Variants in CCDC149 observed in about 807,000 individuals in gnomAD.
CCDC149 encodes coiled-coil domain-containing protein 149.
In CCDC149, 45 loss-of-function variants were observed where a neutral mutation model predicts 59.9. That is an observed-to-expected ratio of 0.75 (90% CI 0.59 to 0.96). The LOEUF is 0.96. Among genes scored for constraint, CCDC149 ranks in the 40% least tolerant of loss-of-function variants. The probability of loss-of-function intolerance (pLI) is 0.00; values close to 1 mark genes in which losing one functional copy is unlikely to be tolerated. For synonymous variants in CCDC149, 245 were observed against 260.6 expected, an observed-to-expected ratio of 0.94 and a Z score of 0.58; for missense variants, 584 against 664.7, an observed-to-expected ratio of 0.88 and a Z score of 1.33.
rs113494247 is a variant in CCDC149, at chr4:24,954,186, G to A, written c.-65+25883C>T. Among the ~76,000 whole-genome samples the A allele has an allele frequency of 4.9e-3, 745 of 152,328 alleles. 10 individuals carry two copies. The highest frequency in any genetic ancestry group is 0.017 in the African/African-American group (705 of 41,580). On this transcript the variant is annotated intron_variant, in intron 1 of 12. Transcript: ENST00000389609. The stretch of plus-strand genomic sequence containing the variant: ...ATCCAAGAAGCTCAACAAGCTCCAA[G>A]TAGGATAAACTTAGAAAAGACCCAT...
At chr4:24,966,796 C>A (rs1346920218) in intron 1 of CCDC149, among the ~76,000 whole-genome samples, 1 of 152,184 alleles carries the variant, frequency 6.6e-6, no homozygotes, top group Non-Finnish European at 1.5e-5. Context: ...CTTGCTGCAG[C>A]CAGGTAGAAA....
At position 24,813,503 on chromosome 4, in the gene CCDC149, T is replaced by TATATATATATATATAC. The variant is rs1553846377; in HGVS notation, c.1193-4685_1193-4684insGTATATATATATATAT. On this transcript the variant is annotated intron_variant, in intron 12 of 12. Coordinates refer to ENST00000635206, the MANE Select transcript of CCDC149 (RefSeq NM_001330643.2). The stretch of plus-strand genomic sequence containing the variant: ...TCAGCTTGGGGAATATATATATATA[T>TATATATATATATATAC]ATATATATATATATATATATATATA... 9.8e-4 allele frequency among the ~76,000 whole-genome samples: 133 copies of TATATATATATATATAC among 135,658 alleles called. 1 individual carries two copies. The highest frequency in any genetic ancestry group is 3.7e-3 in the African/African-American group (127 of 34,610). 89.0% of individuals were successfully genotyped at this position (135,658 alleles called of 152,430 possible). A position where few individuals can be genotyped will look rare whatever the true frequency, so the allele number is the denominator to read the frequency against.
intron 12 of CCDC149, among the ~76,000 whole-genome samples, chr4:24,813,508 ATATATATATATATATATAT>A (rs1560197651): frequency 7.1e-6 from 1 of 141,338 alleles, no homozygotes; most frequent in Non-Finnish European, 1.5e-5. Flanking sequence ...ATATATATAT[ATATATATATATATATATAT>A]AAAACCTAAA....
intron 1 of CCDC149, among the ~76,000 whole-genome samples, chr4:24,879,355 T>C (rs946893243): frequency 6.6e-6 from 1 of 151,708 alleles, no homozygotes; most frequent in Non-Finnish European, 1.5e-5. Context: ...CCCTCTCTAC[T>C]AAAAATACAA....
chr4:24,848,759 T>G (rs548451914), intron 4 of CCDC149, among the ~76,000 whole-genome samples: 2 of 152,080 alleles, frequency 1.3e-5, no homozygotes, highest in South Asian at 4.2e-4. Context: ...TAAGAACCAA[T>G]CTTCTATCCA....
At chr4:24,965,068 A>G (rs1723753283) in intron 1 of CCDC149, among the ~76,000 whole-genome samples, 1 of 151,304 alleles carries the variant, frequency 6.6e-6, no homozygotes, top group Non-Finnish European at 1.5e-5. Flanking sequence ...TCTAAGCAGA[A>G]AGAAAATGAT....
intron 12 of CCDC149, among the ~76,000 whole-genome samples, chr4:24,812,651 A>G (rs1057037961): frequency 1.3e-5 from 2 of 152,238 alleles, no homozygotes; most frequent in Non-Finnish European, 2.9e-5. Context: ...CATGCTGCCA[A>G]TAAAGACATA....
At chr4:24,839,024 TCTCTCACA>T (rs773707059) in intron 4 of CCDC149, among the ~76,000 whole-genome samples, 33 of 107,438 alleles carry the variant, frequency 3.1e-4, no homozygotes, top group African/African-American at 4.7e-4. Context: ...TCTCTCTCTC[TCTCTCACA>T]CACACACACA....
chr4:24,871,996 T>C lies in CCDC149; in HGVS notation c.264+1685A>G, dbSNP rs536607956. On this transcript the variant is annotated intron_variant, in intron 3 of 12. Transcript: ENST00000635206. ...TGAGAAGGATCGGAGAAGAACTTGA[T>C]GAAATGTTTCTAGGTTTTATCTGAG... Among the ~76,000 whole-genome samples, 507 of 152,316 alleles carry C rather than the reference T, an allele frequency of 3.3e-3. 5 individuals carry two copies. The highest frequency in any genetic ancestry group is 0.011 in the African/African-American group (472 of 41,556).
intron 9 of CCDC149, chr4:24,830,398 C>T (rs556282328): frequency 6.6e-6 from 1 of 152,352 alleles, no homozygotes; most frequent in African/African-American, 2.4e-5. Flanking sequence ...TAAACCTTCT[C>T]CTGTCAATAA....
chr4:24,958,265 G>A (rs1723526339), intron 1 of CCDC149, among the ~76,000 whole-genome samples: 1 of 152,144 alleles, frequency 6.6e-6, no homozygotes, highest in African/African-American at 2.4e-5. Context: ...GAAGCAAATT[G>A]ATTATACCAG....
At chr4:24,866,823 CCACA>C (rs3066470) in intron 3 of CCDC149, among the ~76,000 whole-genome samples, 3 of 142,180 alleles carry the variant, frequency 2.1e-5, no homozygotes, top group African/African-American at 7.8e-5. Flanking sequence ...ACACACACAC[CCACA>C]CACACACACA....
At chr4:24,945,120 C>T (rs923347483) in intron 1 of CCDC149, among the ~76,000 whole-genome samples, 1 of 152,196 alleles carries the variant, frequency 6.6e-6, no homozygotes, top group Non-Finnish European at 1.5e-5. Flanking sequence ...GGCTCCACTC[C>T]CAGGCTTGTT....
At chr4:24,942,353 A>G (rs1471957206) in intron 1 of CCDC149, among the ~76,000 whole-genome samples, 2 of 152,204 alleles carry the variant, frequency 1.3e-5, no homozygotes, top group African/African-American at 4.8e-5. Flanking sequence ...ACAACCCTTC[A>G]TGCTAAAAAC....
At chr4:24,835,122 A>G (rs1312286618) in intron 7 of CCDC149, 90 bp from the exon 8 acceptor site, 1 of 815,684 alleles carries the variant, frequency 1.2e-6, no homozygotes, top group Non-Finnish European at 2.0e-6. Context: ...TCGGCCCACA[A>G]GAACCCCTTG....
intron 1 of CCDC149, among the ~76,000 whole-genome samples, chr4:24,951,246 A>C (rs1723281855): frequency 6.6e-6 from 1 of 152,230 alleles, no homozygotes; most frequent in Non-Finnish European, 1.5e-5. Context: ...CTTCAGGGCA[A>C]GCTGCCCCGA....
intron 1 of CCDC149, among the ~76,000 whole-genome samples, chr4:24,892,151 G>A (rs1720564130): frequency 6.6e-6 from 1 of 152,210 alleles, no homozygotes; most frequent in African/African-American, 2.4e-5. Flanking sequence ...ATAGAAGGCA[G>A]TGGATACTCC....
chr4:24,847,318 C>T (rs766350700), intron 4 of CCDC149, among the ~76,000 whole-genome samples: 1 of 152,230 alleles, frequency 6.6e-6, no homozygotes, highest in Non-Finnish European at 1.5e-5. Context: ...AGGTGGTATG[C>T]ACCATGCAAC....
chr4:24,859,557 C>T lies in CCDC149; in HGVS notation c.265-6378G>A, dbSNP rs188402882. 2.3e-3 allele frequency among the ~76,000 whole-genome samples: 344 copies of T among 152,302 alleles called. 2 individuals carry two copies. The highest frequency in any genetic ancestry group is 7.7e-3 in the African/African-American group (322 of 41,552). Reference sequence around the variant, plus strand: ...GGAACAAGACAAAGATACTCACTTTCACCACTTCTATTTAACATAGTACTG... The same window carrying T: ...GGAACAAGACAAAGATACTCACTTTTACCACTTCTATTTAACATAGTACTG... On this transcript the variant is annotated intron_variant, in intron 3 of 12. Transcript: ENST00000635206.
Sources: allele counts gnomAD v4.1 joint callset (sites outside exome capture counted in the v4.1 genomes callset), GRCh38; gene constraint gnomAD v4.1.1; transcripts MANE v1.5; gene names NCBI Gene and HGNC (gene_info 2026-07-23, HGNC 2026-07-21).